The following DCAF8L2 variants were observed in gnomAD, a reference collection of about 807,000 sequenced individuals.
DCAF8L2 encodes the protein DDB1 and CUL4 associated factor 8 like 2.
For missense variants in DCAF8L2, 430 were observed against 490.7 expected (o/e 0.88, Z 1.17); for synonymous variants, 200 against 190.9 (o/e 1.05, Z -0.39).
the DCAF8L2 span, chrX:27,518,880 G>A: frequency 1.8e-6 from 1 of 558,302 alleles, no homozygotes; most frequent in Non-Finnish European, 3.2e-6. Context: ...GTTTTCCCTG[G>A]AGTGAAATCA....
At chrX:27,547,837 CTCTCTCTT>C in the DCAF8L2 span, among the ~76,000 whole-genome samples, 1 of 90,397 alleles carries the variant, frequency 1.1e-5, no homozygotes, top group African/African-American at 4.4e-5. Flanking sequence ...CTCTCTCTCT[CTCTCTCTT>C]TCTCTCTCTC....
intron 3 of DCAF8L2, among the ~76,000 whole-genome samples, chrX:27,685,525 G>T (rs754635222): frequency 9.0e-6 from 1 of 111,597 alleles, no homozygotes; most frequent in Non-Finnish European, 1.9e-5. Flanking sequence ...CTAGATATTC[G>T]TAGTCAGAGG....
intron 1 of DCAF8L2, among the ~76,000 whole-genome samples, chrX:27,610,120 A>G (rs967093346): frequency 7.1e-5 from 8 of 111,971 alleles, no homozygotes; most frequent in African/African-American, 2.6e-4. Context: ...ATCAAAAACT[A>G]TTCATTGAAT....
intron 3 of DCAF8L2, among the ~76,000 whole-genome samples, chrX:27,707,838 G>C (rs1209557943): frequency 9.0e-6 from 1 of 111,286 alleles, no homozygotes; most frequent in Non-Finnish European, 1.9e-5. Context: ...AGTGTTATTT[G>C]AAACACTGTG....
chrX:27,600,002 A>G (rs1457026795), intron 1 of DCAF8L2, among the ~76,000 whole-genome samples: 1 of 112,281 alleles, frequency 8.9e-6, no homozygotes. Flanking sequence ...ATTCGGTACA[A>G]TTATGCAAGA....
At chrX:27,623,446 A>T (rs1037015520) in intron 1 of DCAF8L2, among the ~76,000 whole-genome samples, 1 of 111,430 alleles carries the variant, frequency 9.0e-6, no homozygotes, top group Non-Finnish European at 1.9e-5. Context: ...TTTAGTAAAT[A>T]TACCTGTTTT....
At chrX:27,596,860 A>T (rs778692154) in intron 1 of DCAF8L2, among the ~76,000 whole-genome samples, 15 of 111,603 alleles carry the variant, frequency 1.3e-4, no homozygotes, top group Admixed American at 7.6e-4. Flanking sequence ...TTTCAGTGAC[A>T]TTATATATAG....
chrX:27,488,139 A>G, the DCAF8L2 span, among the ~76,000 whole-genome samples: 1 of 111,804 alleles, frequency 8.9e-6, no homozygotes, highest in South Asian at 3.7e-4. Flanking sequence ...CAGTTTCTCT[A>G]TATCATCAAC....
upstream of DCAF8L2, among the ~76,000 whole-genome samples, chrX:27,588,035 G>T (rs1925946100): frequency 7.2e-5 from 7 of 97,833 alleles, no homozygotes; most frequent in South Asian, 2.4e-3. Context: ...GTTTATTTTA[G>T]ATTCAGGGCG....
chrX:27,665,997 T>C (rs1417229742), intron 2 of DCAF8L2, among the ~76,000 whole-genome samples: 4 of 111,500 alleles, frequency 3.6e-5, no homozygotes, highest in Non-Finnish European at 5.7e-5. Flanking sequence ...ACCTGCAATA[T>C]ATCTGACATA....
At chrX:27,717,811 G>A (rs1602773253) in intron 4 of DCAF8L2, among the ~76,000 whole-genome samples, 1 of 111,756 alleles carries the variant, frequency 8.9e-6, no homozygotes, top group South Asian at 3.7e-4. Context: ...AAATACCCAT[G>A]TTCTCCTTTC....
chrX:27,654,733 T>A (rs931644175), intron 2 of DCAF8L2, among the ~76,000 whole-genome samples: 1 of 111,523 alleles, frequency 9.0e-6, no homozygotes, highest in Admixed American at 9.5e-5. Flanking sequence ...TTAAACTGCA[T>A]GACAAATCTC....
the DCAF8L2 span, among the ~76,000 whole-genome samples, chrX:27,583,361 A>C: frequency 8.9e-6 from 1 of 111,736 alleles, no homozygotes; most frequent in Admixed American, 9.5e-5. Flanking sequence ...TTCCTATTTC[A>C]GCCCTAGAAT....
chrX:27,518,279 C>G, the DCAF8L2 span: 3 of 931,996 alleles, frequency 3.2e-6, no homozygotes, highest in Non-Finnish European at 4.7e-6. Context: ...AGAATCCTAC[C>G]CCAGCGTGTT....
chrX:27,634,852 T>A (rs1276412258), intron 2 of DCAF8L2, among the ~76,000 whole-genome samples: 1 of 110,346 alleles, frequency 9.1e-6, no homozygotes, highest in African/African-American at 3.3e-5. Context: ...TACGGTCCCA[T>A]CCCCAAGATA....
chrX:27,699,471 T>G (rs1380695917), intron 3 of DCAF8L2, among the ~76,000 whole-genome samples: 1 of 111,751 alleles, frequency 8.9e-6, no homozygotes, highest in African/African-American at 3.3e-5. Context: ...AATAAATCTC[T>G]GTAAAGTTTT....
chrX:27,748,777 T>G lies in DCAF8L2; in HGVS notation c.1882T>G (p.Cys628Gly). Residue 628 changes from cysteine to glycine, a missense_variant, in exon 5 of 5, where the codon TGC becomes GGC. Physicochemically the swap from Cys to Gly is radical, Grantham distance 159 (BLOSUM62 -3). Coordinates refer to ENST00000451261, the MANE Select transcript of DCAF8L2 (RefSeq NM_001353450.2). Reference protein sequence around the residue: ...SEEEVQDRVQCMPS With the variant: ...SEEEVQDRVQGMPS ...GGAGGAGGTCCAAGACCGAGTGCAGTGCATGCCATCCTGAAGGCCTCATAT... is the reference window on the plus strand; with the variant it reads ...GGAGGAGGTCCAAGACCGAGTGCAGGGCATGCCATCCTGAAGGCCTCATAT... 3.3e-6 allele frequency: 4 copies of G among 1,200,235 alleles called. No individual in the cohort carries two copies. The highest frequency in any genetic ancestry group is 4.5e-6 in the Non-Finnish European group (4 of 888,043).
the DCAF8L2 span, among the ~76,000 whole-genome samples, chrX:27,569,686 A>G: frequency 5.4e-5 from 6 of 111,895 alleles, no homozygotes; most frequent in Non-Finnish European, 5.6e-5. Context: ...AAGCCTTTCA[A>G]AAAGTATGCA....
At chrX:27,496,701 T>C in the DCAF8L2 span, among the ~76,000 whole-genome samples, 24,060 of 111,291 alleles carry the variant, frequency 0.22, 2,457 homozygotes, top group African/African-American at 0.38. Flanking sequence ...GCTCCTTAAC[T>C]TACAAGTCTT....
Sources: gnomAD v4.1 joint callset for allele counts (sites outside exome capture counted in the v4.1 genomes callset) on GRCh38, gnomAD v4.1.1 for gene constraint, MANE v1.5 for transcripts, NCBI Gene and HGNC (gene_info 2026-07-23, HGNC 2026-07-21) for gene names.